The following ABTB2 variants were observed in gnomAD, a reference collection of about 807,000 sequenced individuals.
ABTB2 encodes ankyrin repeat and BTB domain containing 2, also known as ankyrin repeat and BTB/POZ domain-containing protein 2.
ABTB2 carries 56 observed loss-of-function variants against 104.1 expected under a neutral mutation model. That is an observed-to-expected ratio of 0.54 (90% CI 0.43 to 0.67). The LOEUF is 0.67. ABTB2 is among the 30% of genes least tolerant of loss of function. ABTB2 has a pLI of 0.00. For synonymous variants in ABTB2, 606 were observed against 608.2 expected (o/e 1.00, Z 0.05); for missense variants, 1,279 against 1,407.7 (o/e 0.91, Z 1.46).
chr11:34,215,622 T>C (rs1222469126), intron 1 of ABTB2, among the ~76,000 whole-genome samples: 1 of 152,180 alleles, frequency 6.6e-6, no homozygotes, highest in Admixed American at 6.5e-5. Flanking sequence ...ACTTACTAGC[T>C]GTGTGACTCT....
intron 3 of ABTB2, among the ~76,000 whole-genome samples, chr11:34,195,727 T>A (rs1419184727): frequency 6.6e-6 from 1 of 152,154 alleles, no homozygotes; most frequent in East Asian, 1.9e-4. Context: ...TGGTAGTGTG[T>A]GAATTAACTG....
rs148319655 is a variant in ABTB2, at chr11:34,281,130, A to T, written c.883+75571T>A. ...CTCCACCCAAACCACTGTCTCAGCAAGCAGAACACCCAGCGTGGTCCCTCC... is the reference window on the plus strand; with the variant it reads ...CTCCACCCAAACCACTGTCTCAGCATGCAGAACACCCAGCGTGGTCCCTCC... On this transcript the variant is annotated intron_variant, in intron 1 of 16. Coordinates refer to ENST00000435224, the MANE Select transcript of ABTB2 (RefSeq NM_145804.3). Among the ~76,000 whole-genome samples, 795 of 152,250 alleles carry T rather than the reference A, an allele frequency of 5.2e-3. 11 individuals are homozygous for T. Among genetic ancestry groups the T allele is most frequent in the African/African-American group, 0.018 (755 of 41,532 alleles).
chr11:34,253,585 A>C (rs561930968), intron 1 of ABTB2, among the ~76,000 whole-genome samples: 52 of 152,178 alleles, frequency 3.4e-4, no homozygotes, highest in Non-Finnish European at 5.9e-4. Context: ...CTGAGGCAGG[A>C]GAATCCCTTG....
intron 5 of ABTB2, among the ~76,000 whole-genome samples, chr11:34,169,728 C>T (rs926809647): frequency 6.6e-6 from 1 of 152,092 alleles, no homozygotes; most frequent in African/African-American, 2.4e-5. Flanking sequence ...GGCCTGTGGT[C>T]CTTCCCCAAC....
At chr11:34,204,978 A>C (rs925689326) in intron 1 of ABTB2, among the ~76,000 whole-genome samples, 2 of 152,198 alleles carry the variant, frequency 1.3e-5, no homozygotes, top group African/African-American at 4.8e-5. Flanking sequence ...TGGATCATAG[A>C]AGCATTCATT....
chr11:34,194,086 G>GT (rs1853217182), intron 3 of ABTB2, among the ~76,000 whole-genome samples: 1 of 152,214 alleles, frequency 6.6e-6, no homozygotes, highest in African/African-American at 2.4e-5. Context: ...CATGGATGTG[G>GT]TCACACATAG....
intron 1 of ABTB2, among the ~76,000 whole-genome samples, chr11:34,238,273 C>T (rs9787727): frequency 0.17 from 25,853 of 152,088 alleles, 2,728 homozygotes; most frequent in Admixed American, 0.24. Flanking sequence ...ACCTTCAGGG[C>T]TTTTCCCAAA....
intron 1 of ABTB2, among the ~76,000 whole-genome samples, chr11:34,222,998 T>C (rs1404716556): frequency 2.0e-5 from 3 of 152,186 alleles, no homozygotes; most frequent in Admixed American, 1.3e-4. Context: ...AGCCCTAATG[T>C]GACCCTGTGT....
chr11:34,208,586 A>G (rs1022473714), intron 1 of ABTB2, among the ~76,000 whole-genome samples: 2 of 151,962 alleles, frequency 1.3e-5, no homozygotes, highest in African/African-American at 2.4e-5. Flanking sequence ...ACATTTCTCA[A>G]TCTCTACACA....
intron 1 of ABTB2, among the ~76,000 whole-genome samples, chr11:34,276,645 C>G (rs1190978208): frequency 6.6e-6 from 1 of 152,168 alleles, no homozygotes; most frequent in Non-Finnish European, 1.5e-5. Context: ...GGTTACAATA[C>G]TTGACAAATC....
chr11:34,275,475 A>G (rs1854372219), intron 1 of ABTB2, among the ~76,000 whole-genome samples: 1 of 151,820 alleles, frequency 6.6e-6, no homozygotes, highest in Non-Finnish European at 1.5e-5. Context: ...CCCTGAATAC[A>G]GGGCTCTCTT....
intron 1 of ABTB2, among the ~76,000 whole-genome samples, chr11:34,222,015 C>T (rs1449201462): frequency 6.6e-6 from 1 of 152,188 alleles, no homozygotes; most frequent in African/African-American, 2.4e-5. Flanking sequence ...ATTGCATTTC[C>T]AGCCTGGGTG....
chr11:34,258,605 CTTTTTTTT>C (rs35853565), intron 1 of ABTB2, among the ~76,000 whole-genome samples: 2 of 95,166 alleles, frequency 2.1e-5, no homozygotes, highest in Admixed American at 1.1e-4. Context: ...AGTGCCTGCT[CTTTTTTTT>C]TTTTTTTTTT....
chr11:34,210,947 T>A (rs1436540689), intron 1 of ABTB2, among the ~76,000 whole-genome samples: 1 of 152,126 alleles, frequency 6.6e-6, no homozygotes, highest in African/African-American at 2.4e-5. Context: ...TTTTTAAAAT[T>A]TTTTTATTTT....
At chr11:34,244,172 T>C (rs575791897) in intron 1 of ABTB2, among the ~76,000 whole-genome samples, 33 of 152,140 alleles carry the variant, frequency 2.2e-4, no homozygotes, top group Admixed American at 7.2e-4. Flanking sequence ...CCTCTGGAGA[T>C]GTTGCTGCTG....
At chr11:34,240,830 G>A (rs1033527820) in intron 1 of ABTB2, among the ~76,000 whole-genome samples, 3 of 152,154 alleles carry the variant, frequency 2.0e-5, no homozygotes, top group African/African-American at 7.2e-5. Context: ...CCTGACCTCA[G>A]ATGATCCGCC....
intron 1 of ABTB2, among the ~76,000 whole-genome samples, chr11:34,249,495 AG>A (rs563716705): frequency 6.6e-6 from 1 of 152,312 alleles, no homozygotes; most frequent in African/African-American, 2.4e-5. Flanking sequence ...AATATCCTCT[AG>A]TACAATAGGG....
At position 34,252,925 on chromosome 11, in the gene ABTB2, C is replaced by T. The variant is rs1256035872; in HGVS notation, c.884-48235G>A. On this transcript the variant is annotated intron_variant, in intron 1 of 16. Transcript: ENST00000435224. The surrounding 1 kb of genome is among the most constrained non-coding windows in gnomAD (Gnocchi z 5.5). ...TCAGGGCCCGATTCCACCCCTCCAC[C>T]CCCAGGAGGAAGAGCTGCTTTGGCA... Among the ~76,000 whole-genome samples, 1 of 152,080 alleles carries T rather than the reference C, an allele frequency of 6.6e-6. No individual in the cohort carries two copies. The highest frequency in any genetic ancestry group is 1.5e-5 in the Non-Finnish European group (1 of 68,000).
rs746445981 is a variant in ABTB2, at chr11:34,151,117, C to G, written c.*1270G>C. The stretch of plus-strand genomic sequence containing the variant: ...AATGCCTATTTCTTTGTACATCCAG[C>G]CAAGCAGCTAGTCAAAATATTTTCC... On this transcript the variant is annotated 3_prime_UTR_variant, in exon 17 of 17. Coordinates refer to ENST00000435224, the MANE Select transcript of ABTB2 (RefSeq NM_145804.3). 6.6e-6 allele frequency: 1 copy of G among 152,634 alleles called. No homozygotes were observed. The highest frequency in any genetic ancestry group is 1.5e-5 in the Non-Finnish European group (1 of 68,042). 9.5% of individuals were successfully genotyped at this position (152,634 alleles called of 1,614,324 possible). A position where few individuals can be genotyped will look rare whatever the true frequency, so the allele number is the denominator to read the frequency against.
Sources: gnomAD v4.1 joint callset for allele counts (sites outside exome capture counted in the v4.1 genomes callset) on GRCh38, gnomAD v4.1.1 for gene constraint, Gnocchi (gnomAD v3.1) non-coding constraint, MANE v1.5 for transcripts, NCBI Gene and HGNC (gene_info 2026-07-23, HGNC 2026-07-21) for gene names.